The following TET1 variants were observed in gnomAD, a reference collection of about 807,000 sequenced individuals.
TET1 encodes the protein methylcytosine dioxygenase TET1.
Under a neutral mutation model 148.7 loss-of-function variants are expected in TET1, and 13 were observed. That is an observed-to-expected ratio of 0.09 (90% CI 0.06 to 0.14). The LOEUF (loss-of-function observed/expected upper bound fraction) is 0.14. Among genes scored for constraint, TET1 ranks in the 10% least tolerant of loss-of-function variants. The pLI, the probability that TET1 is intolerant of heterozygous loss-of-function variation, is 1.00. For missense variants in TET1, 2,182 were observed against 2,553.8 expected (o/e 0.85, Z 3.14); for synonymous variants, 907 against 937.2 (o/e 0.97, Z 0.59).
At chr10:68,642,554 G>T (rs1420868290) in intron 3 of TET1, among the ~76,000 whole-genome samples, 1 of 152,166 alleles carries the variant, frequency 6.6e-6, no homozygotes, top group Non-Finnish European at 1.5e-5. Context: ...GTAGAGAATG[G>T]CTATGTTGTA....
intron 3 of TET1, among the ~76,000 whole-genome samples, chr10:68,640,892 G>A (rs188446783): frequency 6.6e-6 from 1 of 151,358 alleles, no homozygotes; most frequent in Non-Finnish European, 1.5e-5. Context: ...TATGTGACAT[G>A]TAATATTTAT....
At chr10:68,585,802 G>T (rs1300497988) in intron 2 of TET1, among the ~76,000 whole-genome samples, 1 of 151,914 alleles carries the variant, frequency 6.6e-6, no homozygotes, top group African/African-American at 2.4e-5. Flanking sequence ...AAGGTCAAGA[G>T]ATTGAGACCA....
At chr10:68,641,009 A>G (rs757422395) in intron 3 of TET1, among the ~76,000 whole-genome samples, 1 of 150,948 alleles carries the variant, frequency 6.6e-6, no homozygotes, top group Non-Finnish European at 1.5e-5. Flanking sequence ...TTGCAATACT[A>G]CTACACTCAT....
chr10:68,577,587 C>T (rs143211899), intron 2 of TET1, among the ~76,000 whole-genome samples: 2 of 152,012 alleles, frequency 1.3e-5, no homozygotes, highest in Admixed American at 1.3e-4. Context: ...GCAGGCAGAT[C>T]ACCTGAGGTC....
At chr10:68,561,502 C>T (rs1266199660) in intron 1 of TET1, among the ~76,000 whole-genome samples, 1 of 152,178 alleles carries the variant, frequency 6.6e-6, no homozygotes, top group African/African-American at 2.4e-5. Flanking sequence ...ACGCGCTGGC[C>T]TTGCGATCCC....
chr10:68,562,235 C>T (rs1403108187), intron 1 of TET1, among the ~76,000 whole-genome samples: 5 of 152,098 alleles, frequency 3.3e-5, no homozygotes, highest in African/African-American at 4.8e-5. Flanking sequence ...AAAATAAAAG[C>T]AATGGTTTAA....
At chr10:68,566,199 T>A (rs1256804711) in intron 1 of TET1, among the ~76,000 whole-genome samples, 1 of 152,246 alleles carries the variant, frequency 6.6e-6, no homozygotes, top group Non-Finnish European at 1.5e-5. Context: ...TTTTAATTTT[T>A]GTGGCTGATT....
At chr10:68,565,868 G>A (rs1037427710) in intron 1 of TET1, among the ~76,000 whole-genome samples, 2 of 152,026 alleles carry the variant, frequency 1.3e-5, no homozygotes, top group Admixed American at 6.6e-5. Context: ...GGCACCCAGT[G>A]GTTTTCTCCC....
At chr10:68,659,257 C>T (rs1391206670) in intron 6 of TET1, among the ~76,000 whole-genome samples, 1 of 152,054 alleles carries the variant, frequency 6.6e-6, no homozygotes, top group Non-Finnish European at 1.5e-5. Flanking sequence ...CATTGGGCAT[C>T]ATATGATGAG....
intron 1 of TET1, among the ~76,000 whole-genome samples, chr10:68,569,204 G>GCT (rs2053640374): frequency 8.6e-6 from 1 of 115,722 alleles, no homozygotes; most frequent in Admixed American, 1.0e-4. Context: ...ATGGAGTCTA[G>GCT]CTCTGTCACC....
At chr10:68,663,865 A>T (rs1218306158) in intron 6 of TET1, among the ~76,000 whole-genome samples, 1 of 152,200 alleles carries the variant, frequency 6.6e-6, no homozygotes, top group Non-Finnish European at 1.5e-5. Context: ...TGCCTGCTGT[A>T]GCAAAAACCT....
intron 7 of TET1, among the ~76,000 whole-genome samples, chr10:68,668,828 A>G (rs559787292): frequency 9.2e-5 from 14 of 151,756 alleles, no homozygotes; most frequent in African/African-American, 2.7e-4. Flanking sequence ...ATATTTTTTT[A>G]AAAAAACTGT....
intron 3 of TET1, among the ~76,000 whole-genome samples, chr10:68,607,430 G>T (rs1196807749): frequency 2.4e-3 from 349 of 145,330 alleles, no homozygotes; most frequent in Non-Finnish European, 3.5e-3. Context: ...TGTTTTTTTT[G>T]TTTGTTTGTT....
chr10:68,627,882 G>A (rs962239371), intron 3 of TET1, among the ~76,000 whole-genome samples: 1 of 152,120 alleles, frequency 6.6e-6, no homozygotes, highest in Non-Finnish European at 1.5e-5. Flanking sequence ...GTTGCAGTGA[G>A]CTGAGATCGC....
At chr10:68,687,746 T>G (rs1044207028) in intron 11 of TET1, among the ~76,000 whole-genome samples, 2 of 152,022 alleles carry the variant, frequency 1.3e-5, no homozygotes, top group African/African-American at 4.8e-5. Flanking sequence ...TGTGCCACTG[T>G]GTCTAGCTAA....
At chr10:68,589,232 C>T (rs2132835593) in intron 2 of TET1, among the ~76,000 whole-genome samples, 1 of 152,090 alleles carries the variant, frequency 6.6e-6, no homozygotes, top group South Asian at 2.1e-4. Flanking sequence ...TCTCCTATTC[C>T]TTCAAGCAGA....
intron 3 of TET1, 31 bp from the exon 4 acceptor site, chr10:68,644,667 A>G: frequency 1.3e-6 from 2 of 1,519,972 alleles, no homozygotes; most frequent in Non-Finnish European, 1.8e-6. Context: ...ATATTTAAGT[A>G]GATGACATAA....
rs1278232779 is a variant in TET1 at position 68,572,746 on chromosome 10, G to A, written c.408G>A (p.Lys136=). Residue 136 remains lysine, a synonymous_variant, in exon 2 of 12, where the codon AAG becomes AAA. Transcript: ENST00000373644. ...KKVPLSKGLE[K]QHDCDYKILP... ...TTCCACTTTCTAAGGGTTTAGAAAA[G>A]CAACATGATTGTGATTATAAGATAC... 1.9e-6 allele frequency: 3 copies of A among 1,614,010 alleles called. No homozygotes were observed. Among genetic ancestry groups the A allele is most frequent in the African/African-American group, 1.3e-5 (1 of 74,900 alleles).
chr10:68,575,398 T>TA (rs896462941), intron 2 of TET1, among the ~76,000 whole-genome samples: 1 of 151,240 alleles, frequency 6.6e-6, no homozygotes, highest in African/African-American at 2.4e-5. Flanking sequence ...AATAAATAAA[T>TA]AAATAAATAA....
Sources: gnomAD v4.1 joint callset for allele counts (sites outside exome capture counted in the v4.1 genomes callset) on GRCh38, gnomAD v4.1.1 for gene constraint, MANE v1.5 for transcripts, NCBI Gene and HGNC (gene_info 2026-07-23, HGNC 2026-07-21) for gene names.